Variants in SNX8 observed in about 807,000 individuals in gnomAD.
SNX8 encodes the protein sorting nexin-8.
A neutral mutation model predicts 51.6 loss-of-function variants in SNX8; 25 were observed. That is an observed-to-expected ratio of 0.48 (90% CI 0.35 to 0.68). SNX8 has a LOEUF of 0.68. SNX8 is among the 30% of genes least tolerant of loss of function. The pLI is 0.00. For missense variants in SNX8, 695 were observed against 624.0 expected (o/e 1.11, Z -1.21); for synonymous variants, 324 against 277.0 (o/e 1.17, Z -1.68).
chr7:2,353,767 T>C (rs1282804537), intron 1 of SNX8, among the ~76,000 whole-genome samples: 3 of 152,124 alleles, frequency 2.0e-5, no homozygotes, highest in Non-Finnish European at 2.9e-5. Flanking sequence ...ATTTATTTAA[T>C]TTTCGTAGAG....
chr7:2,294,751 G>A (rs10950641), intron 1 of SNX8, among the ~76,000 whole-genome samples: 4,461 of 152,304 alleles, frequency 0.029, 92 homozygotes, highest in Non-Finnish European at 0.047. Flanking sequence ...CTAAAATGAG[G>A]CCAAGGCCAG....
chr7:2,352,570 C>T (rs1779169920), intron 1 of SNX8, among the ~76,000 whole-genome samples: 1 of 152,138 alleles, frequency 6.6e-6, no homozygotes, highest in Admixed American at 6.6e-5. Flanking sequence ...TATTGGCTCA[C>T]ACCTGTAATC....
chr7:2,318,890 C>T (rs1231170049), upstream of SNX8, among the ~76,000 whole-genome samples: 2 of 151,534 alleles, frequency 1.3e-5, no homozygotes, highest in African/African-American at 2.4e-5. Flanking sequence ...CACCTATAGT[C>T]CCAGCTACCC....
In SNX8 at chr7:2,257,351, GC is replaced by G; in HGVS notation, c.1134+13del. 1 of 1,599,858 alleles carries G rather than the reference GC, an allele frequency of 6.3e-7. No individual in the cohort carries two copies. The highest frequency in any genetic ancestry group is 2.2e-5 in the East Asian group (1 of 44,736). On this transcript the variant is annotated intron_variant, in intron 9 of 10. Coordinates refer to ENST00000222990, the MANE Select transcript of SNX8 (RefSeq NM_013321.4). Reference sequence around the variant, plus strand: ...AAGGCTCCCACGGGCCTGCTCGGCCGCCCCGCCACCCACCTCCACAATGCGG... The same window carrying G: ...AAGGCTCCCACGGGCCTGCTCGGCCGCCCGCCACCCACCTCCACAATGCGG...
intron 1 of SNX8, among the ~76,000 whole-genome samples, chr7:2,313,523 CAA>C (rs371626274): frequency 1.1e-4 from 12 of 108,078 alleles, no homozygotes; most frequent in Admixed American, 3.7e-4. Flanking sequence ...GAATCTGTCT[CAA>C]AAAAAAAAAA....
chr7:2,350,176 A>C (rs1779110182), intron 1 of SNX8, among the ~76,000 whole-genome samples: 1 of 152,188 alleles, frequency 6.6e-6, no homozygotes, highest in South Asian at 2.1e-4. Context: ...CCCACAGGAA[A>C]ATAAAGGCAC....
intron 6 of SNX8, among the ~76,000 whole-genome samples, 159 bp from the exon 7 acceptor site, chr7:2,263,521 G>C (rs1443760023): frequency 1.3e-5 from 2 of 152,176 alleles, no homozygotes; most frequent in African/African-American, 4.8e-5. Flanking sequence ...GACCCTGGGA[G>C]CCCGGGAGAA....
intron 1 of SNX8, among the ~76,000 whole-genome samples, chr7:2,299,734 GT>G (rs1219833805): frequency 6.6e-6 from 1 of 151,908 alleles, no homozygotes; most frequent in African/African-American, 2.4e-5. Context: ...AGTGACTCCG[GT>G]TTTTTTCTAG....
At chr7:2,261,158 C>G (rs947773807) in intron 7 of SNX8, among the ~76,000 whole-genome samples, 2 of 152,212 alleles carry the variant, frequency 1.3e-5, no homozygotes, top group Admixed American at 6.5e-5. Flanking sequence ...TTTGGCTGGG[C>G]ACAGAGGCTC....
rs113185782 is a variant in SNX8, at chr7:2,270,397, C to T, written c.541-758G>A. ...AGTCCCAGCTACTCAGAGCCTGAGG[C>T]GGGAGGATCGCTGGAGCCCAGGGGT... On this transcript the variant is annotated intron_variant, in intron 4 of 10. Coordinates refer to ENST00000222990, the MANE Select transcript of SNX8 (RefSeq NM_013321.4). Among the ~76,000 whole-genome samples, 229 of 145,570 alleles carry T rather than the reference C, an allele frequency of 1.6e-3. 2 individuals are homozygous for T. The highest frequency in any genetic ancestry group is 5.6e-3 in the African/African-American group (223 of 39,752).
At chr7:2,282,724 C>A (rs1188041517) in intron 1 of SNX8, among the ~76,000 whole-genome samples, 1 of 152,202 alleles carries the variant, frequency 6.6e-6, no homozygotes, top group Non-Finnish European at 1.5e-5. Context: ...CGCCTGAATT[C>A]CCAGCACTTT....
At chr7:2,256,264 G>C (rs2115085851) in intron 10 of SNX8, among the ~76,000 whole-genome samples, 1 of 152,348 alleles carries the variant, frequency 6.6e-6, no homozygotes, top group South Asian at 2.1e-4. Context: ...GGACAGTGTG[G>C]AATCTCGTGA....
Position 2,305,219 on chromosome 7 carries a change from C to G in SNX8, c.94+9109G>C, listed in dbSNP as rs564822215. The stretch of plus-strand genomic sequence containing the variant: ...CCTCTGTTAGGAGCAGACACTGAGG[C>G]AAGAAAACGGATTTCACCCTAAAGG... On this transcript the variant is annotated intron_variant, in intron 1 of 10. Coordinates refer to ENST00000222990, the MANE Select transcript of SNX8 (RefSeq NM_013321.4). 3.7e-4 allele frequency among the ~76,000 whole-genome samples: 57 copies of G among 152,290 alleles called. 1 individual carries two copies. In the South Asian group the frequency reaches 8.7e-3, roughly 23 times the overall value.
At chr7:2,306,638 C>T (rs186014048) in intron 1 of SNX8, among the ~76,000 whole-genome samples, 201 of 152,146 alleles carry the variant, frequency 1.3e-3, no homozygotes, top group African/African-American at 4.6e-3. Context: ...TATAAAGACG[C>T]ATATTCACTA....
chr7:2,264,484 ACT>A (rs765970671), intron 5 of SNX8, 26 bp from the exon 6 acceptor site: 1 of 1,600,892 alleles, frequency 6.2e-7, no homozygotes, highest in Admixed American at 1.7e-5. Context: ...GGGGAGAGAC[ACT>A]GTGTTAGTCG....
intron 1 of SNX8, among the ~76,000 whole-genome samples, chr7:2,333,893 T>C (rs964770185): frequency 6.6e-6 from 1 of 151,552 alleles, no homozygotes; most frequent in Non-Finnish European, 1.5e-5. Context: ...TCCCAGCACT[T>C]TGGGAGGCCA....
intron 1 of SNX8, among the ~76,000 whole-genome samples, chr7:2,348,450 C>G (rs1007853383): frequency 2.0e-5 from 3 of 151,478 alleles, no homozygotes; most frequent in African/African-American, 7.3e-5. Flanking sequence ...ACGCCATTCT[C>G]CTGCCTCAGC....
intron 1 of SNX8, among the ~76,000 whole-genome samples, chr7:2,296,729 G>A (rs193059714): frequency 2.6e-5 from 4 of 151,880 alleles, no homozygotes; most frequent in Admixed American, 6.6e-5. Flanking sequence ...TCAGGAGTTC[G>A]AGACCAGCCT....
At chr7:2,337,635 A>G (rs1778854172) in intron 1 of SNX8, among the ~76,000 whole-genome samples, 1 of 152,164 alleles carries the variant, frequency 6.6e-6, no homozygotes, top group South Asian at 2.1e-4. Context: ...GCAGACAGAG[A>G]GCAATGCCTG....
Sources: allele counts gnomAD v4.1 joint callset (sites outside exome capture counted in the v4.1 genomes callset), GRCh38; gene constraint gnomAD v4.1.1; transcripts MANE v1.5; gene names NCBI Gene and HGNC (gene_info 2026-07-23, HGNC 2026-07-21).